The following GDPD4 variants were observed in gnomAD, a reference collection of about 807,000 sequenced individuals.
The protein encoded by GDPD4 is glycerophosphodiester phosphodiesterase 6.
A neutral mutation model predicts 67.8 loss-of-function variants in GDPD4; 60 were observed. The ratio of observed to expected loss-of-function variants is 0.88; its 90% confidence interval spans 0.72 to 1.10. The LOEUF is 1.10. Ranked by LOEUF, GDPD4 falls within the 50% of genes least tolerant of loss-of-function variation. GDPD4 has a pLI of 0.00. For missense variants in GDPD4, 623 were observed against 613.9 expected (o/e 1.01, Z -0.16); for synonymous variants, 212 against 210.9 (o/e 1.00, Z -0.04).
intron 11 of GDPD4, among the ~76,000 whole-genome samples, chr11:77,254,295 T>C (rs1262568206): frequency 6.6e-6 from 1 of 152,102 alleles, no homozygotes; most frequent in Non-Finnish European, 1.5e-5. Context: ...TAGAGAGAAG[T>C]TCCTCCTGGT....
At chr11:77,228,495 G>A (rs546675064) in intron 15 of GDPD4, among the ~76,000 whole-genome samples, 13 of 41,846 alleles carry the variant, frequency 3.1e-4, no homozygotes, top group Admixed American at 8.2e-4. Context: ...GCAAGACTCC[G>A]TCTCAAAAAA....
At chr11:77,279,200 T>A (rs1327492953) in intron 4 of GDPD4, 106 bp downstream of exon 4, 5 of 664,314 alleles carry the variant, frequency 7.5e-6, no homozygotes, top group Non-Finnish European at 1.1e-5. Context: ...AAGAGTGATC[T>A]TAGGTTCTGA....
At chr11:77,245,199 G>A in intron 12 of GDPD4, 82 bp downstream of exon 12, 2 of 971,128 alleles carry the variant, frequency 2.1e-6, no homozygotes, top group African/African-American at 1.6e-5. Context: ...AGATGTACAA[G>A]GTAGGTCAAG....
At chr11:77,226,593 CTGT>C (rs1958343176) in intron 16 of GDPD4, among the ~76,000 whole-genome samples, 1 of 152,212 alleles carries the variant, frequency 6.6e-6, no homozygotes, top group Non-Finnish European at 1.5e-5. Flanking sequence ...AAATAAATTT[CTGT>C]TGTTCAAGCC....
At chr11:77,299,116 C>G (rs1209898909) in intron 1 of GDPD4, among the ~76,000 whole-genome samples, 2 of 152,100 alleles carry the variant, frequency 1.3e-5, no homozygotes, top group African/African-American at 4.8e-5. Flanking sequence ...ATCACACATT[C>G]CCATCCTGGA....
intron 14 of GDPD4, among the ~76,000 whole-genome samples, chr11:77,229,676 G>A (rs1958418134): frequency 6.6e-6 from 1 of 152,174 alleles, no homozygotes; most frequent in Non-Finnish European, 1.5e-5. Flanking sequence ...AGACACCTAA[G>A]GAATGAGAAT....
chr11:77,271,094 G>T, intron 7 of GDPD4, 36 bp downstream of exon 7: 1 of 1,438,256 alleles, frequency 7.0e-7, no homozygotes, highest in Non-Finnish European at 9.7e-7. Flanking sequence ...AGCCAGAGCT[G>T]AAGAAATAGG....
chr11:77,229,174 A>G lies in GDPD4; in HGVS notation c.1448T>C (p.Ile483Thr). Residue 483 changes from isoleucine (I) to threonine (T), a missense_variant, in exon 15 of 17, where the codon ATT (isoleucine) becomes ACT (threonine). By Grantham distance (89) the Ile-to-Thr change is moderately conservative. Coordinates refer to ENST00000315938, the MANE Select transcript of GDPD4 (RefSeq NM_182833.3). ...LLADIISVLF[I>T]VAIFCFHWRR... The stretch of plus-strand genomic sequence containing the variant: ...CCAGTGAAAACAAAATATGGCAACA[A>G]TAAAAAGCACAGAAATGATATCTGC... 3 of 1,604,546 alleles carry G rather than the reference A, an allele frequency of 1.9e-6. No homozygotes were observed. The highest frequency in any genetic ancestry group is 2.6e-6 in the Non-Finnish European group (3 of 1,173,432).
In GDPD4 at chr11:77,286,392, G is replaced by A. The variant is rs115337004; in HGVS notation, c.-51+826C>T. Among the ~76,000 whole-genome samples, 133 of 152,284 alleles carry A rather than the reference G, an allele frequency of 8.7e-4. 1 individual carries two copies. The highest frequency in any genetic ancestry group is 3.4e-3 in the Middle Eastern group (1 of 294). On this transcript the variant is annotated intron_variant, in intron 2 of 16. Transcript: ENST00000315938. The stretch of plus-strand genomic sequence containing the variant: ...CTTGAGAGCAGGAACCATGCCTGAA[G>A]CACTTGTATTATCCCCAGTGACTAG...
intron 10 of GDPD4, among the ~76,000 whole-genome samples, chr11:77,262,022 G>T (rs1259598241): frequency 6.6e-6 from 1 of 152,204 alleles, no homozygotes; most frequent in Non-Finnish European, 1.5e-5. Context: ...AAGCTAAATA[G>T]TTATGAGAGG....
chr11:77,295,305 T>C (rs1759824287), intron 1 of GDPD4, among the ~76,000 whole-genome samples: 1 of 151,392 alleles, frequency 6.6e-6, no homozygotes, highest in African/African-American at 2.4e-5. Context: ...TTGCATTCTT[T>C]GTAAAAATTA....
chr11:77,269,961 C>A lies in GDPD4; in HGVS notation c.401-1G>T, dbSNP rs1179543020. ...GTCATCCTGTATCTTCTCATTCTAA[C>A]TAAAATTTAGAAAGTGAAAAAGAAA... On this transcript the variant is annotated splice_acceptor_variant, in intron 7 of 16. Coordinates refer to ENST00000315938, the MANE Select transcript of GDPD4 (RefSeq NM_182833.3). LOFTEE classifies it high-confidence loss of function. 2.7e-6 allele frequency: 4 copies of A among 1,485,764 alleles called. No individual in the cohort carries two copies. The highest frequency in any genetic ancestry group is 2.8e-5 in the African/African-American group (2 of 71,704). The allele number at this position is 1,485,764 out of a possible 1,614,324, so 92.0% of individuals were successfully genotyped here. A position where few individuals can be genotyped will look rare whatever the true frequency, so the allele number is the denominator to read the frequency against.
chr11:77,282,589 G>T (rs1166049750), intron 3 of GDPD4, among the ~76,000 whole-genome samples: 3 of 151,808 alleles, frequency 2.0e-5, no homozygotes, highest in Non-Finnish European at 4.4e-5. Flanking sequence ...GGGAGGCAGA[G>T]GCTGCAATGA....
intron 3 of GDPD4, among the ~76,000 whole-genome samples, chr11:77,283,208 G>T (rs1194589041): frequency 6.6e-6 from 1 of 152,202 alleles, no homozygotes; most frequent in African/African-American, 2.4e-5. Flanking sequence ...CCGGTGGTCA[G>T]TGCAAAAGCC....
rs1198858101 is a variant in GDPD4, at chr11:77,301,595, A to T, written c.-254+10T>A. 1 of 152,164 alleles carries T rather than the reference A, an allele frequency of 6.6e-6. No individual in the cohort carries two copies. The highest frequency in any genetic ancestry group is 2.4e-5 in the African/African-American group (1 of 41,428). The allele number at this position is 152,164 out of a possible 1,614,324, so 9.4% of individuals were successfully genotyped here. On this transcript the variant is annotated intron_variant, in intron 1 of 16. Transcript: ENST00000315938. ...AGGGAGGAAGCACGGAACTGGGCACATTTACTTACCGAGACTTCCCAGTCC... is the reference window on the plus strand; with the variant it reads ...AGGGAGGAAGCACGGAACTGGGCACTTTTACTTACCGAGACTTCCCAGTCC...
intron 1 of GDPD4, among the ~76,000 whole-genome samples, chr11:77,293,646 G>T (rs1591584222): frequency 6.6e-6 from 1 of 151,608 alleles, no homozygotes; most frequent in African/African-American, 2.4e-5. Flanking sequence ...AAACTATATG[G>T]CCATCTAAAT....
intron 1 of GDPD4, among the ~76,000 whole-genome samples, chr11:77,295,617 T>A (rs1266738155): frequency 6.6e-6 from 1 of 152,122 alleles, no homozygotes; most frequent in African/African-American, 2.4e-5. Flanking sequence ...GGTGACAGAA[T>A]GAGACCTTGT....
chr11:77,257,452 G>C (rs3901607), intron 11 of GDPD4, among the ~76,000 whole-genome samples: 117,168 of 151,604 alleles, frequency 0.77, 45,914 homozygotes, highest in Middle Eastern at 0.87. Flanking sequence ...CATAATCTCC[G>C]ATCAACATGT....
At position 77,216,987 on chromosome 11, in the gene GDPD4, G is replaced by C; in HGVS notation, c.*290C>G. ...GGCATGGTTGGCTTATCCACCTTCA[G>C]GGTGGGCAATGTAGTTTGAAAGGTA... On this transcript the variant is annotated 3_prime_UTR_variant, in exon 17 of 17. Transcript: ENST00000315938. 1 of 703,058 alleles carries C rather than the reference G, an allele frequency of 1.4e-6. No individual in the cohort carries two copies. The highest frequency in any genetic ancestry group is 2.3e-4 in the Middle Eastern group (1 of 4,356). The allele number at this position is 703,058 out of a possible 1,614,324, so 43.6% of individuals were successfully genotyped here.
Sources: gnomAD v4.1 joint callset for allele counts (sites outside exome capture counted in the v4.1 genomes callset) on GRCh38, gnomAD v4.1.1 for gene constraint, MANE v1.5 for transcripts, NCBI Gene and HGNC (gene_info 2026-07-23, HGNC 2026-07-21) for gene names.